The following RNF150 variants were observed in gnomAD, a reference collection of about 807,000 sequenced individuals.
RNF150 encodes the protein ring finger protein 150.
In RNF150, 24 loss-of-function variants were observed where a neutral mutation model predicts 39.3. That is an observed-to-expected ratio of 0.61 (90% CI 0.44 to 0.86). RNF150 has a LOEUF of 0.86. Among genes scored for constraint, RNF150 ranks in the 40% least tolerant of loss-of-function variants. RNF150 has a pLI of 0.00. For synonymous variants in RNF150, 255 were observed against 227.3 expected (o/e 1.12, Z -1.10); for missense variants, 502 against 587.8 (o/e 0.85, Z 1.51).
chr4:140,861,144 T>C lies in RNF150; in HGVS notation c.*7117A>G, dbSNP rs1728475266. 1 of 152,128 alleles carries C rather than the reference T, an allele frequency of 6.6e-6. No individual in the cohort carries two copies. Among genetic ancestry groups the C allele is most frequent in the Non-Finnish European group, 1.5e-5 (1 of 68,022 alleles). The allele number at this position is 152,128 out of a possible 1,614,324, so 9.4% of individuals were successfully genotyped here. A position where few individuals can be genotyped will look rare whatever the true frequency, so the allele number is the denominator to read the frequency against. On this transcript the variant is annotated 3_prime_UTR_variant, in exon 7 of 7. Transcript: ENST00000515673. ...GCAGGAAGTAAATATATTATGTACA[T>C]GTACAAAACACATCAGTATTTCACA...
At chr4:141,152,740 A>G (rs1470178285) in intron 1 of RNF150, among the ~76,000 whole-genome samples, 3 of 152,130 alleles carry the variant, frequency 2.0e-5, no homozygotes, top group African/African-American at 7.2e-5. Context: ...TGTGCAATCT[A>G]TTTTTTTGTT....
chr4:140,956,471 A>C (rs1033492005), intron 2 of RNF150, among the ~76,000 whole-genome samples: 1 of 152,178 alleles, frequency 6.6e-6, no homozygotes, highest in African/African-American at 2.4e-5. Context: ...AGAGGTCACA[A>C]GATAGTAGGT....
rs546207975 is a variant in RNF150 at position 140,947,581 on chromosome 4, C to T, written c.890+73G>A. ...CCTGGCAGCACTATGCCCAGCAGGT[C>T]GGGGCCAGGGAGGCCACGCAGGCAC... On this transcript the variant is annotated intron_variant, in intron 4 of 6. Coordinates refer to ENST00000515673, the MANE Select transcript of RNF150 (RefSeq NM_020724.2). 3 of 1,050,136 alleles carry T rather than the reference C, an allele frequency of 2.9e-6. No homozygotes were observed. The South Asian group carries it at 4.0e-5, about 14-fold the overall frequency. 65.1% of individuals were successfully genotyped at this position (1,050,136 alleles called of 1,614,324 possible).
chr4:141,035,191 A>G lies in RNF150; in HGVS notation c.485-67318T>C, dbSNP rs555358897. Among the ~76,000 whole-genome samples the G allele has an allele frequency of 1.2e-4, 18 of 152,332 alleles. 1 individual carries two copies. Among genetic ancestry groups the G allele is most frequent in the African/African-American group, 4.3e-4 (18 of 41,584 alleles). On this transcript the variant is annotated intron_variant, in intron 1 of 6. Coordinates refer to ENST00000515673, the MANE Select transcript of RNF150 (RefSeq NM_020724.2). Reference sequence around the variant, plus strand: ...TCTTCCTTCCAAAGCTGACTGAAGAATCAAGGGACATACTGAAGTGTTTAC... The same window carrying G: ...TCTTCCTTCCAAAGCTGACTGAAGAGTCAAGGGACATACTGAAGTGTTTAC...
At chr4:141,207,040 C>A (rs1728386106) in intron 1 of RNF150, among the ~76,000 whole-genome samples, 1 of 152,116 alleles carries the variant, frequency 6.6e-6, no homozygotes. Flanking sequence ...CTTCTGTCTG[C>A]TTTGTTCTAG....
At chr4:140,914,297 T>G (rs565815737) in intron 5 of RNF150, among the ~76,000 whole-genome samples, 2 of 152,302 alleles carry the variant, frequency 1.3e-5, no homozygotes, top group Admixed American at 1.3e-4. Context: ...ACAGATTATA[T>G]CCACTCTACA....
chr4:141,012,285 T>C (rs1972418), intron 1 of RNF150, among the ~76,000 whole-genome samples: 11,553 of 152,246 alleles, frequency 0.076, 493 homozygotes, highest in Middle Eastern at 0.16. Flanking sequence ...CTGCTGGTCC[T>C]GACCGGGCTG....
intron 1 of RNF150, among the ~76,000 whole-genome samples, chr4:141,131,255 G>A (rs1726885195): frequency 6.6e-6 from 1 of 152,230 alleles, no homozygotes; most frequent in Non-Finnish European, 1.5e-5. Flanking sequence ...TAATGCTTTT[G>A]ATTAGGAGAC....
At position 141,064,014 on chromosome 4, in the gene RNF150, G is replaced by A. The variant is rs1397941012; in HGVS notation, c.484+68311C>T. 6.9e-5 allele frequency among the ~76,000 whole-genome samples: 10 copies of A among 144,866 alleles called. No homozygotes were observed. The Admixed American group carries it at 6.9e-4, about 10-fold the overall frequency. On this transcript the variant is annotated intron_variant, in intron 1 of 6. Transcript: ENST00000515673. ...TACAAAAAAAAAAAAAAAAAGGACTGATGGCTTCATAAACAGATTTAATGA... is the reference window on the plus strand; with the variant it reads ...TACAAAAAAAAAAAAAAAAAGGACTAATGGCTTCATAAACAGATTTAATGA...
At chr4:141,135,052 T>C (rs1727007876), upstream of RNF150, among the ~76,000 whole-genome samples, 1 of 152,190 alleles carries the variant, frequency 6.6e-6, no homozygotes. Context: ...GGCTGGAAGA[T>C]TGCTTAATTA....
intron 1 of RNF150, among the ~76,000 whole-genome samples, chr4:141,060,822 A>G (rs999678032): frequency 2.0e-5 from 3 of 152,194 alleles, no homozygotes; most frequent in African/African-American, 7.2e-5. Context: ...AAAAATGATG[A>G]GTTCATGTCC....
chr4:140,980,652 G>A (rs1188676551), intron 1 of RNF150, among the ~76,000 whole-genome samples: 2 of 152,064 alleles, frequency 1.3e-5, no homozygotes, highest in African/African-American at 4.8e-5. Flanking sequence ...GAGATCTGAT[G>A]CTTTTAAAGG....
chr4:140,892,829 A>T (rs1729803683), intron 6 of RNF150, among the ~76,000 whole-genome samples: 1 of 152,156 alleles, frequency 6.6e-6, no homozygotes, highest in South Asian at 2.1e-4. Flanking sequence ...GGGAGGCCCA[A>T]GCAGGAGGAT....
intron 1 of RNF150, among the ~76,000 whole-genome samples, chr4:141,206,094 C>T (rs1181182256): frequency 6.6e-6 from 1 of 152,068 alleles, no homozygotes; most frequent in Non-Finnish European, 1.5e-5. Flanking sequence ...ACTGGCAGTT[C>T]CTTCCATCTT....
intron 4 of RNF150, among the ~76,000 whole-genome samples, chr4:140,936,494 C>T (rs1243895126): frequency 6.6e-5 from 10 of 151,834 alleles, no homozygotes; most frequent in Admixed American, 3.3e-4. Flanking sequence ...GAGTGAGATG[C>T]CATACACCAG....
intron 1 of RNF150, among the ~76,000 whole-genome samples, chr4:141,051,773 T>C (rs1287294197): frequency 6.6e-6 from 1 of 152,196 alleles, no homozygotes; most frequent in Non-Finnish European, 1.5e-5. Flanking sequence ...TGTCTTCTTC[T>C]GAGCCCTCCA....
At chr4:141,040,939 C>T (rs78373176) in intron 1 of RNF150, among the ~76,000 whole-genome samples, 1,669 of 152,196 alleles carry the variant, frequency 0.011, 9 homozygotes, top group Non-Finnish European at 0.018. Flanking sequence ...CAATCAATGG[C>T]TCTAAGAATA....
At chr4:141,144,288 A>G (rs1308058810) in intron 1 of RNF150, among the ~76,000 whole-genome samples, 1 of 152,228 alleles carries the variant, frequency 6.6e-6, no homozygotes. Flanking sequence ...CTCAACAGTC[A>G]TTATTCCAAA....
At chr4:141,045,367 G>T (rs911614488) in intron 1 of RNF150, among the ~76,000 whole-genome samples, 5 of 152,006 alleles carry the variant, frequency 3.3e-5, no homozygotes, top group Admixed American at 3.3e-4. Context: ...CACTTACTAG[G>T]TTCCTATCCT....
Sources: allele counts gnomAD v4.1 joint callset (sites outside exome capture counted in the v4.1 genomes callset), GRCh38; gene constraint gnomAD v4.1.1; transcripts MANE v1.5; gene names NCBI Gene and HGNC (gene_info 2026-07-23, HGNC 2026-07-21).